The following FAAH2 variants were observed in gnomAD, a reference collection of about 807,000 sequenced individuals.
FAAH2 encodes the protein fatty-acid amide hydrolase 2.
Under a neutral mutation model 36.9 loss-of-function variants are expected in FAAH2, and 60 were observed. The observed-to-expected ratio is 1.63, with a 90% confidence interval of 1.32 to 2.02. The LOEUF (loss-of-function observed/expected upper bound fraction) is 2.02, where lower values mean the gene tolerates loss of function less well. Among genes scored for constraint, FAAH2 ranks in the 30% most tolerant of loss-of-function variants. FAAH2 has a pLI of 0.00. For synonymous variants in FAAH2, 214 were observed against 143.8 expected (o/e 1.49, Z -3.49); for missense variants, 689 against 397.5 (o/e 1.73, Z -6.23).
chrX:57,340,847 G>A (rs1417712118), intron 4 of FAAH2, among the ~76,000 whole-genome samples: 14 of 111,014 alleles, frequency 1.3e-4, no homozygotes, highest in Non-Finnish European at 2.3e-4. Context: ...ATGGCTGCTG[G>A]GCTTAATACC....
At chrX:57,376,048 G>A (rs1024647307) in intron 5 of FAAH2, among the ~76,000 whole-genome samples, 4 of 111,288 alleles carry the variant, frequency 3.6e-5, no homozygotes, top group Admixed American at 9.6e-5. Context: ...AGCAACAAGA[G>A]CAAGTGGGCT....
chrX:57,370,822 C>A (rs1422175070), intron 5 of FAAH2, among the ~76,000 whole-genome samples: 1 of 111,733 alleles, frequency 8.9e-6, no homozygotes, highest in South Asian at 3.7e-4. Context: ...TCTTATGAGA[C>A]TCTAATGCCT....
At chrX:57,191,927 T>C in the FAAH2 span, among the ~76,000 whole-genome samples, 1 of 111,876 alleles carries the variant, frequency 8.9e-6, no homozygotes, top group Non-Finnish European at 1.9e-5. Context: ...TCCTCTAGTT[T>C]TCTTTTTGCT....
chrX:57,121,760 G>A, the FAAH2 span: 1 of 112,097 alleles, frequency 8.9e-6, no homozygotes, highest in South Asian at 3.7e-4. Context: ...CCCGTTTCAG[G>A]GCCACTTGGT....
intron 7 of FAAH2, among the ~76,000 whole-genome samples, chrX:57,430,970 G>A (rs2056280418): frequency 9.0e-6 from 1 of 111,635 alleles, no homozygotes; most frequent in Non-Finnish European, 1.9e-5. Context: ...TGTCAAGGCA[G>A]GACTGGAATT....
At chrX:57,353,546 G>A (rs1224790584) in intron 5 of FAAH2, among the ~76,000 whole-genome samples, 1 of 104,410 alleles carries the variant, frequency 9.6e-6, no homozygotes, top group Admixed American at 1.0e-4. Context: ...CATCTGTCTA[G>A]GCAAATACTT....
chrX:57,315,259 T>C (rs755873929), intron 3 of FAAH2, among the ~76,000 whole-genome samples: 100 of 111,040 alleles, frequency 9.0e-4, no homozygotes, highest in Non-Finnish European at 1.7e-3. Context: ...ATGGAATCGG[T>C]AATAAGAAAC....
chrX:57,394,413 C>T (rs994698700), intron 7 of FAAH2: 2 of 1,193,069 alleles, frequency 1.7e-6, no homozygotes, highest in African/African-American at 3.5e-5. Flanking sequence ...TATAATTCTA[C>T]CTCTTCAGAC....
chrX:57,252,113 G>A, the FAAH2 span, among the ~76,000 whole-genome samples: 1 of 112,683 alleles, frequency 8.9e-6, no homozygotes, highest in Non-Finnish European at 1.9e-5. Flanking sequence ...AGCCTTGCTC[G>A]CTGCTAGTGA....
At position 57,431,930 on chromosome X, in the gene FAAH2, C is replaced by T. The variant is rs2056312189; in HGVS notation, c.1009C>T (p.Leu337Phe). 3 of 1,195,968 alleles carry T rather than the reference C, an allele frequency of 2.5e-6. No homozygotes were observed. The highest frequency in any genetic ancestry group is 3.6e-5 in the African/African-American group (2 of 55,993). The change falls in exon 8 of 11, where the codon CTT (leucine) becomes TTT (phenylalanine). Residue 337 changes from leucine (L) to phenylalanine (F), a missense_variant. Coordinates refer to ENST00000374900, the MANE Select transcript of FAAH2 (RefSeq NM_174912.4). Reference protein sequence around the residue: ...IMTQKKVVVHLETILGASVQH... With the variant: ...IMTQKKVVVHFETILGASVQH... ...TTTCTTTTATAAGGTTGTGGTTCAC[C>T]TTGAAACTATTCTAGGAGCCTCAGT...
intron 5 of FAAH2, among the ~76,000 whole-genome samples, chrX:57,350,382 G>A (rs2147095944): frequency 9.1e-6 from 1 of 109,905 alleles, no homozygotes; most frequent in South Asian, 3.8e-4. Context: ...AAAAATGGAA[G>A]AGAAAGGAAT....
chrX:57,170,957 A>C, the FAAH2 span, among the ~76,000 whole-genome samples: 1 of 110,504 alleles, frequency 9.0e-6, no homozygotes, highest in South Asian at 3.9e-4. Context: ...TGATCTGCCC[A>C]TGTCGGCTTT....
At chrX:57,329,644 C>A (rs2053339353) in intron 3 of FAAH2, among the ~76,000 whole-genome samples, 1 of 109,362 alleles carries the variant, frequency 9.1e-6, no homozygotes, top group South Asian at 4.1e-4. Context: ...CACACACACA[C>A]ACACACAAGT....
In FAAH2 at chrX:57,310,660, G is replaced by A; in HGVS notation, c.343G>A (p.Ala115Thr). Residue 115 changes from alanine (A) to threonine (T), a missense_variant, in exon 3 of 11, where the codon GCC becomes ACC. Coordinates refer to ENST00000374900, the MANE Select transcript of FAAH2 (RefSeq NM_174912.4). ...GCTTGCAGAGAAGCAGGAAGATGAA[G>A]CCACCCTGGAAAATAAATGGCCCTT... ...QKLAEKQEDE[A>T]TLENKWPFLG... 1 of 1,209,263 alleles carries A rather than the reference G, an allele frequency of 8.3e-7. No individual in the cohort carries two copies. Among genetic ancestry groups the A allele is most frequent in the Non-Finnish European group, 1.1e-6 (1 of 894,169 alleles).
the FAAH2 span, among the ~76,000 whole-genome samples, chrX:57,179,292 C>T: frequency 1.8e-5 from 2 of 111,806 alleles, no homozygotes; most frequent in African/African-American, 6.5e-5. Context: ...TAAATATAAA[C>T]AGTCTACATG....
rs372794776 is a variant in FAAH2 at position 57,468,701 on chromosome X, C to G, written c.1423+19983C>G. On this transcript the variant is annotated intron_variant, in intron 10 of 10. Transcript: ENST00000374900. ...AGGATATTATCCAGGAGAACTTCCCCAATCTAGCAAGGTAGGCCAACATTC... is the reference window on the plus strand; with the variant it reads ...AGGATATTATCCAGGAGAACTTCCCGAATCTAGCAAGGTAGGCCAACATTC... Among the ~76,000 whole-genome samples the G allele has an allele frequency of 1.3e-4, 14 of 111,500 alleles. No individual in the cohort carries two copies. In the East Asian group the frequency reaches 3.1e-3, roughly 25 times the overall value.
chrX:57,143,836 A>T, the FAAH2 span, among the ~76,000 whole-genome samples: 1 of 111,790 alleles, frequency 8.9e-6, no homozygotes, highest in Admixed American at 9.5e-5. Flanking sequence ...TAAGTGGTTT[A>T]TATACAAGTA....
chrX:57,463,983 G>A (rs5915033), intron 10 of FAAH2, among the ~76,000 whole-genome samples: 40,179 of 110,685 alleles, frequency 0.36, 6,217 homozygotes, highest in Middle Eastern at 0.62. Context: ...ATTTACACTA[G>A]CAAAAACTTG....
the FAAH2 span, among the ~76,000 whole-genome samples, chrX:57,174,223 TG>T: frequency 7.8e-4 from 86 of 110,341 alleles, 1 homozygote; most frequent in African/African-American, 2.8e-3. Flanking sequence ...TTTTTTTTTT[TG>T]TTCTTGGCAG....
Sources: allele counts gnomAD v4.1 joint callset (sites outside exome capture counted in the v4.1 genomes callset), GRCh38; gene constraint gnomAD v4.1.1; transcripts MANE v1.5; gene names NCBI Gene and HGNC (gene_info 2026-07-23, HGNC 2026-07-21).